WDFY2: variants seen among roughly 807,000 people sequenced by gnomAD.
WDFY2 encodes the protein WD repeat and FYVE domain containing 2.
Under a neutral mutation model 56.4 loss-of-function variants are expected in WDFY2, and 36 were observed. The ratio of observed to expected loss-of-function variants is 0.64; its 90% CI spans 0.49 to 0.84. WDFY2 has a LOEUF of 0.84. Among genes scored for constraint, WDFY2 ranks in the 40% least tolerant of loss-of-function variants. The probability of loss-of-function intolerance (pLI) is 0.00; values close to 1 mark genes in which losing one functional copy is unlikely to be tolerated. For missense variants in WDFY2, 444 were observed against 512.2 expected (o/e 0.87, Z 1.29); for synonymous variants, 176 against 183.7 (o/e 0.96, Z 0.34).
intron 7 of WDFY2, among the ~76,000 whole-genome samples, chr13:51,740,554 G>A (rs906596270): frequency 6.6e-6 from 1 of 151,958 alleles, no homozygotes; most frequent in African/African-American, 2.4e-5. Flanking sequence ...TTTCTACTAA[G>A]AATACAAAAA....
intron 1 of WDFY2, among the ~76,000 whole-genome samples, chr13:51,643,642 T>C (rs1955215705): frequency 6.6e-6 from 1 of 152,226 alleles, no homozygotes; most frequent in Admixed American, 6.5e-5. Flanking sequence ...TCTGGCTGTG[T>C]TGCAGATGGC....
chr13:51,630,804 T>G (rs1228141791), intron 1 of WDFY2, among the ~76,000 whole-genome samples: 2 of 151,422 alleles, frequency 1.3e-5, no homozygotes, highest in Non-Finnish European at 2.9e-5. Context: ...GAGACAGAGT[T>G]TTTTGCTCTT....
chr13:51,653,834 G>A (rs1213892110), intron 1 of WDFY2, among the ~76,000 whole-genome samples: 1 of 152,216 alleles, frequency 6.6e-6, no homozygotes, highest in East Asian at 1.9e-4. Flanking sequence ...GTGCCTCCCA[G>A]TTAGGCTACT....
intron 3 of WDFY2, among the ~76,000 whole-genome samples, chr13:51,697,091 A>C (rs890220994): frequency 3.3e-5 from 5 of 152,212 alleles, no homozygotes; most frequent in Non-Finnish European, 7.3e-5. Context: ...AGTTGTAGTA[A>C]TTTTAGAATA....
intron 11 of WDFY2, among the ~76,000 whole-genome samples, chr13:51,758,625 C>G (rs1953478153): frequency 6.6e-6 from 1 of 151,290 alleles, no homozygotes; most frequent in African/African-American, 2.4e-5. Context: ...CTGATACATG[C>G]ACAGCCTCAT....
chr13:51,741,870 C>T (rs1012272823), intron 7 of WDFY2, among the ~76,000 whole-genome samples: 1 of 152,150 alleles, frequency 6.6e-6, no homozygotes, highest in Non-Finnish European at 1.5e-5. Context: ...GTATACCCAG[C>T]CCTCAGTAAG....
chr13:51,677,286 G>T (rs1280585030), intron 3 of WDFY2, among the ~76,000 whole-genome samples: 8 of 152,086 alleles, frequency 5.3e-5, no homozygotes, highest in Non-Finnish European at 1.2e-4. Context: ...TTCCTTAAAA[G>T]TACCTCCTTT....
At chr13:51,758,552 T>TAA (rs35383381) in intron 11 of WDFY2, among the ~76,000 whole-genome samples, 39 of 127,704 alleles carry the variant, frequency 3.1e-4, no homozygotes, top group African/African-American at 9.9e-4. Flanking sequence ...CCTCATCTCT[T>TAA]AAAAAAAAAA....
At chr13:51,620,946 C>A (rs1475011333) in intron 1 of WDFY2, among the ~76,000 whole-genome samples, 2 of 152,208 alleles carry the variant, frequency 1.3e-5, no homozygotes, top group Non-Finnish European at 2.9e-5. Flanking sequence ...TTCCCTCTGT[C>A]CTCATCCTGT....
chr13:51,632,135 A>G (rs767885534), intron 1 of WDFY2, among the ~76,000 whole-genome samples: 4 of 151,928 alleles, frequency 2.6e-5, no homozygotes, highest in Non-Finnish European at 2.9e-5. Context: ...GTCTTTTAAC[A>G]CTTAGTATGG....
In WDFY2 at chr13:51,644,262, G is replaced by C. The variant is rs180853768; in HGVS notation, c.138-16334G>C. Reference sequence around the variant, plus strand: ...CTGCAGACACAAAATAGTGCTATTTGTAAGAAAACTACTCCGAATTAAGAC... The same window carrying C: ...CTGCAGACACAAAATAGTGCTATTTCTAAGAAAACTACTCCGAATTAAGAC... On this transcript the variant is annotated intron_variant, in intron 1 of 11. Transcript: ENST00000298125. Among the ~76,000 whole-genome samples the C allele has an allele frequency of 1.2e-3, 189 of 152,302 alleles. 1 individual carries two copies. Among genetic ancestry groups the C allele is most frequent in the African/African-American group, 4.2e-3 (175 of 41,566 alleles).
chr13:51,621,174 A>G (rs1333389879), intron 1 of WDFY2, among the ~76,000 whole-genome samples: 1 of 152,180 alleles, frequency 6.6e-6, no homozygotes, highest in African/African-American at 2.4e-5. Flanking sequence ...ATAGATTGGA[A>G]GTGGTTATGT....
At chr13:51,704,213 C>T (rs1016507546) in intron 4 of WDFY2, among the ~76,000 whole-genome samples, 1 of 152,170 alleles carries the variant, frequency 6.6e-6, no homozygotes, top group African/African-American at 2.4e-5. Context: ...AGAGGATGAT[C>T]ATCCAGCCTC....
chr13:51,584,854 A>C (rs1283978947), intron 1 of WDFY2, 30 bp downstream of exon 1: 1 of 1,610,538 alleles, frequency 6.2e-7, no homozygotes, highest in South Asian at 1.1e-5. Context: ...GGCCGCGAGG[A>C]GGGGCGGGAC....
At chr13:51,733,201 A>T (rs951294569) in intron 6 of WDFY2, among the ~76,000 whole-genome samples, 1 of 152,012 alleles carries the variant, frequency 6.6e-6, no homozygotes, top group African/African-American at 2.4e-5. Flanking sequence ...ACACCCATCA[A>T]AGTTTTTTTA....
At chr13:51,598,073 G>A (rs1954185764) in intron 1 of WDFY2, among the ~76,000 whole-genome samples, 1 of 152,104 alleles carries the variant, frequency 6.6e-6, no homozygotes, top group African/African-American at 2.4e-5. Flanking sequence ...AAACTGCTTT[G>A]GCAGGGGCAG....
chr13:51,604,283 C>T (rs944432022), intron 1 of WDFY2, among the ~76,000 whole-genome samples: 5 of 152,192 alleles, frequency 3.3e-5, no homozygotes, highest in Non-Finnish European at 5.9e-5. Context: ...CCTCCCTCAT[C>T]TTGCCGCCTC....
At chr13:51,610,146 T>C (rs1954469039) in intron 1 of WDFY2, among the ~76,000 whole-genome samples, 1 of 151,932 alleles carries the variant, frequency 6.6e-6, no homozygotes, top group African/African-American at 2.4e-5. Flanking sequence ...GAGAGTCTCA[T>C]CCCTCATCTG....
At chr13:51,716,692 CAA>C (rs34618973) in intron 4 of WDFY2, among the ~76,000 whole-genome samples, 689 of 55,098 alleles carry the variant, frequency 0.013, 2 homozygotes, top group African/African-American at 0.04. Context: ...GACTCCGTCT[CAA>C]AAAAAAAAAA....
Sources: gnomAD v4.1 joint callset for allele counts (sites outside exome capture counted in the v4.1 genomes callset) on GRCh38, gnomAD v4.1.1 for gene constraint, MANE v1.5 for transcripts, NCBI Gene and HGNC (gene_info 2026-07-23, HGNC 2026-07-21) for gene names.